Variants in SLIT3 observed in about 807,000 individuals in gnomAD.
SLIT3 encodes slit guidance ligand 3.
In SLIT3, 68 loss-of-function variants were observed where a neutral mutation model predicts 184.0. The ratio of observed to expected loss-of-function variants is 0.37; its 90% CI spans 0.30 to 0.45. The LOEUF (loss-of-function observed/expected upper bound fraction) is 0.45, where lower values mean the gene tolerates loss of function less well. Among genes scored for constraint, SLIT3 ranks in the 20% least tolerant of loss-of-function variants. SLIT3 has a pLI of 1.00. For missense variants in SLIT3, 1,707 were observed against 2,026.0 expected, an observed-to-expected ratio of 0.84 and a Z score of 3.02; for synonymous variants, 831 against 828.6, an observed-to-expected ratio of 1.00 and a Z score of -0.05.
At chr5:168,961,340 G>A (rs373859561) in intron 4 of SLIT3, among the ~76,000 whole-genome samples, 46 of 152,278 alleles carry the variant, frequency 3.0e-4, no homozygotes, top group African/African-American at 1.1e-3. Flanking sequence ...TGAGTGCACT[G>A]ATGAACAAAC....
rs1755219688 is a variant in SLIT3, at chr5:168,988,786, G to A, written c.414-105450C>T. Among the ~76,000 whole-genome samples the A allele has an allele frequency of 2.0e-5, 3 of 152,122 alleles. No homozygotes were observed. In the South Asian group the frequency reaches 6.2e-4, roughly 32 times the overall value. ...ATCAACTAGGAGACCCCCCCCCAGG[G>A]GCAGGCAGCACTAGAATTGAGCCTC... On this transcript the variant is annotated intron_variant, in intron 4 of 35. Transcript: ENST00000519560.
At chr5:169,035,359 C>A (rs1467119613) in intron 4 of SLIT3, among the ~76,000 whole-genome samples, 1 of 152,016 alleles carries the variant, frequency 6.6e-6, no homozygotes, top group Non-Finnish European at 1.5e-5. Context: ...ATAAGAATTA[C>A]TTCATTTAGG....
At chr5:169,185,211 C>G (rs115452718) in intron 4 of SLIT3, among the ~76,000 whole-genome samples, 1 of 152,172 alleles carries the variant, frequency 6.6e-6, no homozygotes, top group Non-Finnish European at 1.5e-5. Flanking sequence ...AAAGCAAACA[C>G]AAGGCTGGCC....
chr5:168,816,250 G>C (rs534209253), intron 8 of SLIT3, among the ~76,000 whole-genome samples: 1 of 152,006 alleles, frequency 6.6e-6, no homozygotes, highest in Admixed American at 6.6e-5. Context: ...ACAGTGGTGC[G>C]ATCTTGGCTC....
chr5:169,059,052 T>C (rs1392247375), intron 4 of SLIT3, among the ~76,000 whole-genome samples: 1 of 152,182 alleles, frequency 6.6e-6, no homozygotes, highest in East Asian at 1.9e-4. Flanking sequence ...TTGGAGGGTT[T>C]ATTTTCAAGC....
chr5:168,783,649 G>A (rs1256127120), intron 12 of SLIT3, among the ~76,000 whole-genome samples: 1 of 152,198 alleles, frequency 6.6e-6, no homozygotes, highest in African/African-American at 2.4e-5. Flanking sequence ...CAGACTACCA[G>A]AGTATTCTAA....
At chr5:168,906,259 T>C (rs1761049883) in intron 4 of SLIT3, among the ~76,000 whole-genome samples, 1 of 152,230 alleles carries the variant, frequency 6.6e-6, no homozygotes, top group Non-Finnish European at 1.5e-5. Flanking sequence ...AACTAATGAC[T>C]GGTTTGGTGC....
In SLIT3 at chr5:168,664,994, A is replaced by ACAT. The variant is rs1364411795; in HGVS notation, c.*1457_*1459dup. 6.6e-6 allele frequency: 1 copy of ACAT among 152,202 alleles called. No homozygotes were observed. The highest frequency in any genetic ancestry group is 1.5e-5 in the Non-Finnish European group (1 of 68,056). 9.4% of individuals were successfully genotyped at this position (152,202 alleles called of 1,614,324 possible). A position where few individuals can be genotyped will look rare whatever the true frequency, so the allele number is the denominator to read the frequency against. The stretch of plus-strand genomic sequence containing the variant: ...CAAGGCAGAACAAGAGCAGGAAAAA[A>ACAT]CATCATATTATTTCCTTTTCCGGCA... On this transcript the variant is annotated 3_prime_UTR_variant, in exon 36 of 36. Coordinates refer to ENST00000519560, the MANE Select transcript of SLIT3 (RefSeq NM_003062.4).
At chr5:168,686,444 A>C (rs1355496184) in intron 30 of SLIT3, among the ~76,000 whole-genome samples, 1 of 152,258 alleles carries the variant, frequency 6.6e-6, no homozygotes, top group Non-Finnish European at 1.5e-5. Context: ...GCATGGTTGA[A>C]TCTTGAGAAC....
rs1767641825 is a variant in SLIT3 at position 169,300,277 on chromosome 5, T to C, written c.197+236A>G. Among the ~76,000 whole-genome samples, 1 of 152,214 alleles carries C rather than the reference T, an allele frequency of 6.6e-6. No homozygotes were observed. Among genetic ancestry groups the C allele is most frequent in the South Asian group, 2.1e-4 (1 of 4,830 alleles). On this transcript the variant is annotated intron_variant, in intron 1 of 35. Coordinates refer to ENST00000519560, the MANE Select transcript of SLIT3 (RefSeq NM_003062.4). The surrounding 1 kb of genome is among the most constrained non-coding windows in gnomAD (Gnocchi z 4.1). Reference sequence around the variant, plus strand: ...TCAGCGGGCCCTGCGTCTGGAACCCTCACCCCTGGAGAGGCACTGCTCTTT... The same window carrying C: ...TCAGCGGGCCCTGCGTCTGGAACCCCCACCCCTGGAGAGGCACTGCTCTTT...
intron 3 of SLIT3, among the ~76,000 whole-genome samples, chr5:169,205,298 T>C (rs995343966): frequency 3.9e-5 from 6 of 152,160 alleles, no homozygotes; most frequent in African/African-American, 9.7e-5. Flanking sequence ...GTTTCCTCCA[T>C]CAACAGAATC....
chr5:169,010,229 G>T (rs1756093742), intron 4 of SLIT3, among the ~76,000 whole-genome samples: 1 of 152,230 alleles, frequency 6.6e-6, no homozygotes, highest in Non-Finnish European at 1.5e-5. Context: ...CAGGTACCCA[G>T]TGTGACCACA....
At chr5:169,222,354 G>A (rs1404338218) in intron 3 of SLIT3, among the ~76,000 whole-genome samples, 2 of 152,102 alleles carry the variant, frequency 1.3e-5, no homozygotes, top group Admixed American at 6.6e-5. Context: ...ACACCTTGGG[G>A]CACGTAGAAG....
intron 25 of SLIT3, chr5:168,710,210 A>C (rs1762509911): frequency 6.6e-6 from 1 of 152,210 alleles, no homozygotes; most frequent in Admixed American, 6.5e-5. Flanking sequence ...GGTAAGCCTC[A>C]ATTTTCTCAT....
chr5:169,125,793 G>A (rs11742806), intron 4 of SLIT3, among the ~76,000 whole-genome samples: 6,643 of 152,248 alleles, frequency 0.044, 355 homozygotes, highest in African/African-American at 0.12. Context: ...GCCAACGAAC[G>A]CATTCCTTCC....
At chr5:168,851,317 C>T (rs1156528304) in intron 5 of SLIT3, among the ~76,000 whole-genome samples, 7 of 119,610 alleles carry the variant, frequency 5.9e-5, no homozygotes, top group African/African-American at 2.1e-4. Flanking sequence ...AGTGAGACTC[C>T]GTCTCAAAAA....
chr5:168,689,973 A>G (rs574509447), intron 29 of SLIT3, among the ~76,000 whole-genome samples: 282 of 152,284 alleles, frequency 1.9e-3, no homozygotes, highest in African/African-American at 6.6e-3. Context: ...TGAAAGCTAG[A>G]CTGATTTTAT....
chr5:168,676,246 C>T (rs1230967986), intron 32 of SLIT3, among the ~76,000 whole-genome samples: 2 of 152,194 alleles, frequency 1.3e-5, no homozygotes, highest in African/African-American at 2.4e-5. Flanking sequence ...TGGGCCACCT[C>T]GTCCTGGGTG....
At chr5:168,980,260 C>T (rs938149566) in intron 4 of SLIT3, among the ~76,000 whole-genome samples, 2 of 151,954 alleles carry the variant, frequency 1.3e-5, no homozygotes, top group South Asian at 2.1e-4. Context: ...GGAGTGGTGC[C>T]CGGGTTCTGA....
Sources: allele counts gnomAD v4.1 joint callset (sites outside exome capture counted in the v4.1 genomes callset), GRCh38; gene constraint gnomAD v4.1.1; non-coding constraint Gnocchi (gnomAD v3.1); transcripts MANE v1.5; gene names NCBI Gene and HGNC (gene_info 2026-07-23, HGNC 2026-07-21).